EGF: variants seen among roughly 807,000 people sequenced by gnomAD.
EGF encodes the protein pro-epidermal growth factor.
A neutral mutation model predicts 143.8 loss-of-function variants in EGF; 95 were observed. The observed-to-expected ratio is 0.66, with a 90% CI of 0.56 to 0.78. The LOEUF (loss-of-function observed/expected upper bound fraction) is 0.78, where lower values mean the gene tolerates loss of function less well. Among genes scored for constraint, EGF ranks in the 30% least tolerant of loss-of-function variants. EGF has a pLI of 0.00. For missense variants in EGF, 1,320 were observed against 1,470.9 expected (o/e 0.90, Z 1.68); for synonymous variants, 510 against 510.5 (o/e 1.00, Z 0.01).
At chr4:109,980,688 T>A in intron 14 of EGF, 138 bp from the exon 15 acceptor site, 1 of 938,652 alleles carries the variant, frequency 1.1e-6, no homozygotes, top group Non-Finnish European at 1.7e-6. Flanking sequence ...AAATAGCTAT[T>A]GATATACCCT....
intron 1 of EGF, among the ~76,000 whole-genome samples, chr4:109,920,677 T>C (rs779191129): frequency 1.3e-5 from 2 of 151,748 alleles, no homozygotes; most frequent in Non-Finnish European, 2.9e-5. Flanking sequence ...TATTATGTTA[T>C]AGTTTCTCAT....
Position 110,011,576 on chromosome 4 carries a change from CTCAATGCCT to C in EGF, c.*122_*130del. 6.9e-7 allele frequency: 1 copy of C among 1,454,390 alleles called. No homozygotes were observed. The highest frequency in any genetic ancestry group is 9.5e-7 in the Non-Finnish European group (1 of 1,056,296). 90.1% of individuals were successfully genotyped at this position (1,454,390 alleles called of 1,614,324 possible). ...CACAATCTCTACGACTAATCACCTA[CTCAATGCCT>C]GGAGACAGATACGTAGTTGTGCTTT... On this transcript the variant is annotated 3_prime_UTR_variant, in exon 24 of 24. Coordinates refer to ENST00000265171, the MANE Select transcript of EGF (RefSeq NM_001963.6).
At chr4:109,954,582 T>C (rs1744492259) in intron 5 of EGF, among the ~76,000 whole-genome samples, 1 of 152,190 alleles carries the variant, frequency 6.6e-6, no homozygotes, top group African/African-American at 2.4e-5. Context: ...TTTGAGAAGT[T>C]TTTTGAGGAA....
At chr4:109,919,299 C>CTCTG (rs1737295170) in intron 1 of EGF, among the ~76,000 whole-genome samples, 1 of 121,438 alleles carries the variant, frequency 8.2e-6, no homozygotes, top group African/African-American at 3.2e-5. Context: ...CTCTCTCTCT[C>CTCTG]TCTCTCTCTC....
chr4:109,932,793 C>T (rs950806749), intron 1 of EGF, among the ~76,000 whole-genome samples: 1 of 152,114 alleles, frequency 6.6e-6, no homozygotes, highest in African/African-American at 2.4e-5. Context: ...ATAGAGCATG[C>T]ATGATACACA....
At chr4:109,986,609 T>C (rs566712270) in intron 16 of EGF, among the ~76,000 whole-genome samples, 1 of 152,318 alleles carries the variant, frequency 6.6e-6, no homozygotes, top group East Asian at 1.9e-4. Flanking sequence ...AAAAAATCTC[T>C]TCTGTACTAA....
chr4:109,935,984 A>G (rs1740716699), intron 1 of EGF, among the ~76,000 whole-genome samples: 1 of 152,170 alleles, frequency 6.6e-6, no homozygotes, highest in Non-Finnish European at 1.5e-5. Flanking sequence ...AATGTTCATC[A>G]GGGATATTGG....
At chr4:109,962,689 G>A (rs1336148218) in intron 8 of EGF, among the ~76,000 whole-genome samples, 1 of 152,198 alleles carries the variant, frequency 6.6e-6, no homozygotes, top group East Asian at 1.9e-4. Context: ...TATAGGGAAG[G>A]AGGGTAGTGT....
In EGF at chr4:109,913,060, T is replaced by C. The variant is rs1735992085; in HGVS notation, c.-276T>C. On this transcript the variant is annotated 5_prime_UTR_variant, in exon 1 of 24. Transcript: ENST00000265171. ...GCAGGGCTGTTAAACTCTGTGAAAT[T>C]TGTCATAAGGGTGTCAGGTATTTCT... 1 of 396,152 alleles carries C rather than the reference T, an allele frequency of 2.5e-6. No individual in the cohort carries two copies. The highest frequency in any genetic ancestry group is 2.1e-5 in the African/African-American group (1 of 48,450). The allele number at this position is 396,152 out of a possible 1,614,324, so 24.5% of individuals were successfully genotyped here. A position where few individuals can be genotyped will look rare whatever the true frequency, so the allele number is the denominator to read the frequency against.
chr4:109,943,228 A>G, intron 2 of EGF, 26 bp from the exon 3 acceptor site: 4 of 1,510,980 alleles, frequency 2.6e-6, no homozygotes, highest in Non-Finnish European at 3.6e-6. Flanking sequence ...AAGTATTAAT[A>G]ACAATTTTAA....
At chr4:109,936,748 C>A (rs1740880997) in intron 1 of EGF, among the ~76,000 whole-genome samples, 1 of 152,162 alleles carries the variant, frequency 6.6e-6, no homozygotes, top group Non-Finnish European at 1.5e-5. Flanking sequence ...TGTCTTTGTT[C>A]TCATTGGTTT....
intron 1 of EGF, among the ~76,000 whole-genome samples, chr4:109,924,503 G>C (rs1273572714): frequency 6.8e-6 from 1 of 147,456 alleles, no homozygotes; most frequent in East Asian, 1.9e-4. Flanking sequence ...TGGATGCTAG[G>C]TGCTTGGGCT....
intron 1 of EGF, among the ~76,000 whole-genome samples, chr4:109,937,108 G>C (rs113384470): frequency 1.3e-5 from 2 of 151,508 alleles, no homozygotes; most frequent in African/African-American, 4.8e-5. Context: ...TTTCTTTCTC[G>C]TTGGTCTAAT....
At chr4:109,925,533 G>A (rs188696635) in intron 1 of EGF, among the ~76,000 whole-genome samples, 5 of 152,260 alleles carry the variant, frequency 3.3e-5, no homozygotes, top group South Asian at 4.1e-4. Flanking sequence ...ACCAAGACAC[G>A]GAGAGGTTAA....
At position 109,993,328 on chromosome 4, in the gene EGF, T is replaced by G. The variant is rs370302729; in HGVS notation, c.2816T>G (p.Met939Arg). 1 of 1,613,784 alleles carries G rather than the reference T, an allele frequency of 6.2e-7. No individual in the cohort carries two copies. The highest frequency in any genetic ancestry group is 1.3e-5 in the African/African-American group (1 of 75,030). ...AATACAGAGGGAGGCTATACCTGCA[T>G]GTGTGCTGGACGCCTGTCTGAACCA... The part of the protein sequence containing the change: ...CTNTEGGYTC[M>R]CAGRLSEPGL... Residue 939 changes from methionine to arginine, a missense_variant, in exon 19 of 24, where the codon ATG (methionine) becomes AGG (arginine). Met to Arg is a moderately conservative substitution (Grantham distance 91). Coordinates refer to ENST00000265171, the MANE Select transcript of EGF (RefSeq NM_001963.6).
intron 22 of EGF, 104 bp from the exon 23 acceptor site, chr4:110,008,048 C>T: frequency 9.3e-7 from 1 of 1,072,366 alleles, no homozygotes; most frequent in Non-Finnish European, 1.4e-6. Flanking sequence ...CTTTCACTTT[C>T]CATAGGATGA....
chr4:109,969,605 T>C (rs11568983), intron 11 of EGF, among the ~76,000 whole-genome samples: 2 of 142,068 alleles, frequency 1.4e-5, no homozygotes, highest in African/African-American at 5.6e-5. Flanking sequence ...AATATAATAA[T>C]AAAAAAAAAA....
At chr4:109,923,321 T>G (rs1738112588) in intron 1 of EGF, among the ~76,000 whole-genome samples, 1 of 151,618 alleles carries the variant, frequency 6.6e-6, no homozygotes, top group Non-Finnish European at 1.5e-5. Flanking sequence ...ACCTCATTTT[T>G]GTCTATTTGT....
chr4:109,914,335 G>A (rs1736227841), intron 1 of EGF, among the ~76,000 whole-genome samples: 1 of 152,134 alleles, frequency 6.6e-6, no homozygotes, highest in African/African-American at 2.4e-5. Flanking sequence ...ATGGCGTCTG[G>A]CTTTTAAAAA....
Sources: allele counts gnomAD v4.1 joint callset (sites outside exome capture counted in the v4.1 genomes callset), GRCh38; gene constraint gnomAD v4.1.1; transcripts MANE v1.5; gene names NCBI Gene and HGNC (gene_info 2026-07-23, HGNC 2026-07-21).